Variants in TECTA observed in about 807,000 individuals in gnomAD.
TECTA encodes tectorin alpha.
TECTA carries 128 observed loss-of-function variants against 216.8 expected under a neutral mutation model. The ratio of observed to expected loss-of-function variants is 0.59; its 90% CI spans 0.51 to 0.68. The LOEUF (loss-of-function observed/expected upper bound fraction) is 0.68. Ranked by LOEUF, TECTA falls within the 30% of genes least tolerant of loss-of-function variation. The pLI, the probability that TECTA is intolerant of heterozygous loss-of-function variation, is 0.00. For missense variants in TECTA, 2,551 were observed against 2,786.2 expected, an observed-to-expected ratio of 0.92 and a Z score of 1.90; for synonymous variants, 1,089 against 1,117.1, an observed-to-expected ratio of 0.97 and a Z score of 0.50.
chr11:121,157,399 G>A (rs1243134413), intron 13 of TECTA, among the ~76,000 whole-genome samples: 1 of 152,052 alleles, frequency 6.6e-6, no homozygotes, highest in African/African-American at 2.4e-5. Flanking sequence ...GAGCCTAGCA[G>A]TTCAAGAACA....
At chr11:121,132,893 T>A (rs555904414) in intron 10 of TECTA, among the ~76,000 whole-genome samples, 1 of 151,990 alleles carries the variant, frequency 6.6e-6, no homozygotes, top group Non-Finnish European at 1.5e-5. Context: ...GGCTAATTTT[T>A]TTTGTGTGTG....
At chr11:121,142,101 A>T (rs540792320) in intron 11 of TECTA, among the ~76,000 whole-genome samples, 1 of 152,292 alleles carries the variant, frequency 6.6e-6, no homozygotes, top group East Asian at 1.9e-4. Flanking sequence ...GTGGGTAGTA[A>T]AGTGAGGGAT....
rs1946597477 is a variant in TECTA at position 121,125,340 on chromosome 11, C to G, written c.1242C>G (p.Asp414Glu). 11 of 1,614,108 alleles carry G rather than the reference C, an allele frequency of 6.8e-6. No homozygotes were observed. Among genetic ancestry groups the G allele is most frequent in the Non-Finnish European group, 9.3e-6 (11 of 1,180,042 alleles). ...TGACTTCTTTGCCTGTCACCTTAGA[C>G]TTGGGGACAGTGAAAATCTACCAGA... is the stretch of plus-strand genomic sequence containing the variant. ...DLVTSLPVTL[D>E]LGTVKIYQSG... Residue 414 changes from aspartate (D) to glutamate (E), a missense_variant, in exon 8 of 24, where the codon GAC becomes GAG. By Grantham distance (45) the Asp-to-Glu change is conservative (BLOSUM62 2). Coordinates refer to ENST00000392793, the MANE Select transcript of TECTA (RefSeq NM_005422.4).
chr11:121,178,616 A>G (rs1261945071), intron 20 of TECTA, among the ~76,000 whole-genome samples: 1 of 151,466 alleles, frequency 6.6e-6, no homozygotes, highest in African/African-American at 2.4e-5. Flanking sequence ...AGAATGAGCT[A>G]GGAAGAATCC....
chr11:121,186,248 C>T (rs960890507), intron 20 of TECTA, among the ~76,000 whole-genome samples: 2 of 152,242 alleles, frequency 1.3e-5, no homozygotes, highest in African/African-American at 2.4e-5. Flanking sequence ...AGTTGTTTCT[C>T]TCCAGCTGTG....
chr11:121,179,561 G>A (rs1947204335), intron 20 of TECTA, among the ~76,000 whole-genome samples: 1 of 152,112 alleles, frequency 6.6e-6, no homozygotes. Flanking sequence ...TTGGTCTAAA[G>A]TGCAATTTAA....
At chr11:121,106,881 A>G (rs544053198) in intron 3 of TECTA, among the ~76,000 whole-genome samples, 1 of 152,342 alleles carries the variant, frequency 6.6e-6, no homozygotes, top group East Asian at 1.9e-4. Flanking sequence ...GTCATTTCTC[A>G]GGTCCCACCC....
chr11:121,105,686 GTT>G lies in TECTA; in HGVS notation c.65-143_65-142del. 1 of 1,050,188 alleles carries G rather than the reference GTT, an allele frequency of 9.5e-7. No homozygotes were observed. The highest frequency in any genetic ancestry group is 1.4e-6 in the Non-Finnish European group (1 of 702,736). The allele number at this position is 1,050,188 out of a possible 1,614,324, so 65.1% of individuals were successfully genotyped here. Reference sequence around the variant, plus strand: ...AGATACTGCGCTGTGTATGGCCTAGGTTTAGGATGAATGACAGGGCAGTATGA... The same window carrying G: ...AGATACTGCGCTGTGTATGGCCTAGGTAGGATGAATGACAGGGCAGTATGA... On this transcript the variant is annotated intron_variant, in intron 2 of 23. Coordinates refer to ENST00000392793, the MANE Select transcript of TECTA (RefSeq NM_005422.4). The surrounding 1 kb of genome is among the most constrained non-coding windows in gnomAD (Gnocchi z 5.3).
Position 121,118,300 on chromosome 11 carries a change from C to A in TECTA, c.791-6C>A, listed in dbSNP as rs1381681793. 4 of 1,614,034 alleles carry A rather than the reference C, an allele frequency of 2.5e-6. No homozygotes were observed. The highest frequency in any genetic ancestry group is 3.4e-6 in the Non-Finnish European group (4 of 1,180,018). The stretch of plus-strand genomic sequence containing the variant: ...AAATGTTGGCTCTAATGTCATTATT[C>A]CCCAGGACAATTCCTTCGGCGAGGG... On this transcript the variant is annotated splice_polypyrimidine_tract_variant and splice_region_variant and intron_variant, in intron 6 of 23. Coordinates refer to ENST00000392793, the MANE Select transcript of TECTA (RefSeq NM_005422.4).
At chr11:121,164,230 G>A (rs1435151081) in intron 16 of TECTA, among the ~76,000 whole-genome samples, 1 of 152,172 alleles carries the variant, frequency 6.6e-6, no homozygotes. Flanking sequence ...AGTGTACAGT[G>A]TATTGGTACT....
In TECTA at chr11:121,125,711, G is replaced by A; in HGVS notation, c.1613G>A (p.Gly538Asp). 1.2e-6 allele frequency: 2 copies of A among 1,611,100 alleles called. No homozygotes were observed. Among genetic ancestry groups the A allele is most frequent in the South Asian group, 1.1e-5 (1 of 91,066 alleles). The change falls in exon 8 of 24, where the codon GGC (glycine) becomes GAC (aspartate). Residue 538 changes from glycine (G) to aspartate (D), a missense_variant. Physicochemically the swap from Gly to Asp is moderately conservative, Grantham distance 94. Coordinates refer to ENST00000392793, the MANE Select transcript of TECTA (RefSeq NM_005422.4). Reference protein sequence around the residue: ...NKTDGPLWECGTVVDPTAFVH... With the variant: ...NKTDGPLWECDTVVDPTAFVH... ...ACAGACGGCCCTCTGTGGGAGTGTG[G>A]CACTGTCGTGGACCCCACTGCTTTT...
At chr11:121,129,486 C>T in intron 9 of TECTA, 152 bp from the exon 10 acceptor site, 1 of 739,910 alleles carries the variant, frequency 1.4e-6, no homozygotes, top group Non-Finnish European at 2.3e-6. Flanking sequence ...AAGCCCATGA[C>T]AAATCGGTTG....
At chr11:121,123,316 A>G (rs1174179397) in intron 7 of TECTA, among the ~76,000 whole-genome samples, 2 of 152,150 alleles carry the variant, frequency 1.3e-5, no homozygotes, top group African/African-American at 4.8e-5. Context: ...CCACTTACTC[A>G]CCCGTACTAG....
intron 16 of TECTA, 44 bp from the exon 17 acceptor site, chr11:121,165,229 G>A (rs1325418962): frequency 6.5e-7 from 1 of 1,544,488 alleles, no homozygotes; most frequent in East Asian, 2.4e-5. Context: ...GCATGTAGGT[G>A]TGAAAATGAA....
chr11:121,162,184 G>C lies in TECTA; in HGVS notation c.5086G>C (p.Asp1696His). The C allele has an allele frequency of 6.2e-7, 1 of 1,614,156 alleles. No individual in the cohort carries two copies. The highest frequency in any genetic ancestry group is 1.1e-5 in the South Asian group (1 of 91,078). The change falls in exon 16 of 24, where the codon GAC becomes CAC. Residue 1696 changes from aspartate to histidine, a missense_variant. Asp to His is a moderately conservative substitution (Grantham distance 81). Coordinates refer to ENST00000392793, the MANE Select transcript of TECTA (RefSeq NM_005422.4). ...QGDGYCLKLTDMKGFFQPCYG... is the reference protein window; with the variant it reads ...QGDGYCLKLTHMKGFFQPCYG... ...TGATGGCTACTGCCTGAAGCTCACC[G>C]ACATGAAGGGCTTCTTCCAGCCCTG...
chr11:121,169,695 C>A (rs1015416890), intron 20 of TECTA, among the ~76,000 whole-genome samples: 2 of 152,088 alleles, frequency 1.3e-5, no homozygotes, highest in African/African-American at 2.4e-5. Context: ...ACATTTTTGT[C>A]ACTCCAATAG....
chr11:121,143,147 C>A (rs1356414601), intron 11 of TECTA, among the ~76,000 whole-genome samples: 1 of 152,188 alleles, frequency 6.6e-6, no homozygotes, highest in Non-Finnish European at 1.5e-5. Flanking sequence ...TTTTACAAAA[C>A]GAATGGGTGT....
intron 7 of TECTA, 64 bp downstream of exon 7, chr11:121,118,782 A>G: frequency 6.3e-7 from 1 of 1,587,428 alleles, no homozygotes; most frequent in South Asian, 1.1e-5. Flanking sequence ...CCTAGGGAAG[A>G]CTTCCCCAGA....
chr11:121,141,364 T>C (rs997556716), intron 11 of TECTA, among the ~76,000 whole-genome samples: 2 of 152,304 alleles, frequency 1.3e-5, no homozygotes, highest in Admixed American at 6.5e-5. Context: ...TGGAGGGTGA[T>C]ATGAAAGTGC....
Sources: allele counts gnomAD v4.1 joint callset (sites outside exome capture counted in the v4.1 genomes callset), GRCh38; gene constraint gnomAD v4.1.1; non-coding constraint Gnocchi (gnomAD v3.1); transcripts MANE v1.5; gene names NCBI Gene and HGNC (gene_info 2026-07-23, HGNC 2026-07-21).